Variants in DACH2 observed in about 807,000 individuals in gnomAD.
The protein encoded by DACH2 is dachshund homolog 2.
A neutral mutation model predicts 35.8 loss-of-function variants in DACH2; 17 were observed. That is an observed-to-expected ratio of 0.48 (90% CI 0.33 to 0.71). DACH2 has a LOEUF of 0.71. Ranked by LOEUF, DACH2 falls within the 30% of genes least tolerant of loss-of-function variation. The pLI, the probability that DACH2 is intolerant of heterozygous loss-of-function variation, is 0.02. For missense variants in DACH2, 469 were observed against 472.7 expected, an observed-to-expected ratio of 0.99 and a Z score of 0.07; for synonymous variants, 195 against 177.3, an observed-to-expected ratio of 1.10 and a Z score of -0.79.
chrX:86,610,287 T>G (rs2039913017), intron 3 of DACH2, among the ~76,000 whole-genome samples: 1 of 111,467 alleles, frequency 9.0e-6, no homozygotes, highest in Admixed American at 9.4e-5. Flanking sequence ...AGTGTACTCT[T>G]AAGACCCAAA....
chrX:86,300,838 G>T (rs763687744), intron 1 of DACH2, among the ~76,000 whole-genome samples: 14 of 111,668 alleles, frequency 1.3e-4, no homozygotes, highest in Admixed American at 1.1e-3. Context: ...ATTGTATTTT[G>T]CCATTTTCTG....
At chrX:86,693,126 G>C (rs983793266) in intron 4 of DACH2, among the ~76,000 whole-genome samples, 9 of 112,325 alleles carry the variant, frequency 8.0e-5, no homozygotes, top group African/African-American at 2.9e-4. Context: ...GGTAATCATA[G>C]AAGTATTGCA....
At chrX:86,609,470 C>T (rs760709630) in intron 3 of DACH2, among the ~76,000 whole-genome samples, 1 of 111,923 alleles carries the variant, frequency 8.9e-6, no homozygotes, top group Admixed American at 9.5e-5. Context: ...TCTCTTGTGC[C>T]TTATTTAATT....
chrX:86,740,593 T>G (rs2041645158), intron 7 of DACH2, among the ~76,000 whole-genome samples: 1 of 100,800 alleles, frequency 9.9e-6, no homozygotes, highest in African/African-American at 3.6e-5. Context: ...TTTATATATA[T>G]TTTGTTTTCT....
chrX:86,640,194 C>G (rs373307530), intron 3 of DACH2, among the ~76,000 whole-genome samples: 1 of 111,103 alleles, frequency 9.0e-6, no homozygotes, highest in African/African-American at 3.3e-5. Context: ...AGCCACCCCC[C>G]GCCAGAGCTG....
At chrX:86,359,323 T>C in intron 1 of DACH2, among the ~76,000 whole-genome samples, 1 of 111,643 alleles carries the variant, frequency 9.0e-6, no homozygotes, top group Non-Finnish European at 1.9e-5. Context: ...TGAACTGAAC[T>C]ACATTTTGAT....
chrX:86,702,995 A>G (rs1416623639), intron 5 of DACH2, among the ~76,000 whole-genome samples: 1 of 111,240 alleles, frequency 9.0e-6, no homozygotes, highest in South Asian at 3.8e-4. Context: ...AATATCCCTG[A>G]TGAACCTAAA....
Position 86,832,224 on chromosome X carries a change from A to G in DACH2, c.*69A>G. 2 of 858,318 alleles carry G rather than the reference A, an allele frequency of 2.3e-6. No homozygotes were observed. The highest frequency in any genetic ancestry group is 3.4e-6 in the Non-Finnish European group (2 of 587,802). 70.7% of individuals were successfully genotyped at this position (858,318 alleles called of 1,213,427 possible). A position where few individuals can be genotyped will look rare whatever the true frequency, so the allele number is the denominator to read the frequency against. ...CAGTTTATCTCTGAAACTATTCAACATGGAGTTATTTCAGTTTTGTTTATC... is the reference window on the plus strand; with the variant it reads ...CAGTTTATCTCTGAAACTATTCAACGTGGAGTTATTTCAGTTTTGTTTATC... On this transcript the variant is annotated 3_prime_UTR_variant, in exon 12 of 12. Coordinates refer to ENST00000373125, the MANE Select transcript of DACH2 (RefSeq NM_053281.3).
chrX:86,326,851 T>A (rs7876439), intron 1 of DACH2, among the ~76,000 whole-genome samples: 23,115 of 111,187 alleles, frequency 0.21, 2,963 homozygotes, highest in African/African-American at 0.48. Flanking sequence ...TTCAGGTTGG[T>A]TGTGTTCAAA....
intron 7 of DACH2, among the ~76,000 whole-genome samples, chrX:86,754,980 T>A (rs1395234181): frequency 9.0e-6 from 1 of 111,668 alleles, no homozygotes; most frequent in Non-Finnish European, 1.9e-5. Context: ...TAGTTCCAGT[T>A]TTAGTTTTGT....
chrX:86,755,876 C>T (rs1490744833), intron 7 of DACH2, among the ~76,000 whole-genome samples: 2 of 110,682 alleles, frequency 1.8e-5, no homozygotes, highest in Non-Finnish European at 3.8e-5. Context: ...GGATTACAGG[C>T]GTGAGCCACC....
At chrX:86,387,880 G>A (rs1226962268) in intron 2 of DACH2, among the ~76,000 whole-genome samples, 2 of 112,113 alleles carry the variant, frequency 1.8e-5, no homozygotes, top group Non-Finnish European at 3.8e-5. Context: ...AGAAGTCCAT[G>A]TAACAAAATG....
chrX:86,780,476 G>A (rs184562552), intron 7 of DACH2, among the ~76,000 whole-genome samples: 151 of 112,007 alleles, frequency 1.3e-3, no homozygotes, highest in African/African-American at 4.5e-3. Context: ...CAAAATAGCC[G>A]TTTTAAGAAG....
At chrX:86,319,765 C>T (rs1185865905) in intron 1 of DACH2, among the ~76,000 whole-genome samples, 1 of 112,250 alleles carries the variant, frequency 8.9e-6, no homozygotes, top group African/African-American at 3.2e-5. Flanking sequence ...TTACTTTTCT[C>T]TTAAAAATAT....
chrX:86,715,258 T>C (rs1372495361), intron 6 of DACH2, among the ~76,000 whole-genome samples: 1 of 111,582 alleles, frequency 9.0e-6, no homozygotes, highest in Admixed American at 9.6e-5. Flanking sequence ...TGTCTGGAGA[T>C]AATATGAGTA....
At chrX:86,254,797 T>TAGAGAGAG in intron 1 of DACH2, among the ~76,000 whole-genome samples, 1 of 68,228 alleles carries the variant, frequency 1.5e-5, no homozygotes, top group African/African-American at 7.2e-5. Flanking sequence ...TATATATATA[T>TAGAGAGAG]ATATATATAT....
intron 1 of DACH2, among the ~76,000 whole-genome samples, chrX:86,165,398 C>G (rs977856801): frequency 9.0e-6 from 1 of 110,991 alleles, no homozygotes; most frequent in Admixed American, 9.6e-5. Flanking sequence ...TTTTGAGGAC[C>G]CTCCAAATTG....
intron 2 of DACH2, among the ~76,000 whole-genome samples, chrX:86,429,527 T>C (rs2036948510): frequency 1.9e-5 from 2 of 104,752 alleles, no homozygotes; most frequent in African/African-American, 7.0e-5. Context: ...ATGACTTTTC[T>C]AGAGTGCATT....
intron 3 of DACH2, among the ~76,000 whole-genome samples, chrX:86,635,177 A>G (rs938093078): frequency 2.7e-5 from 3 of 111,231 alleles, no homozygotes; most frequent in African/African-American, 9.8e-5. Flanking sequence ...ACCTCAATCA[A>G]GTAGGCTTTA....
Sources: gnomAD v4.1 joint callset for allele counts (sites outside exome capture counted in the v4.1 genomes callset) on GRCh38, gnomAD v4.1.1 for gene constraint, MANE v1.5 for transcripts, NCBI Gene and HGNC (gene_info 2026-07-23, HGNC 2026-07-21) for gene names.